Variants in SLC14A1 observed in about 807,000 individuals in gnomAD.
The protein encoded by SLC14A1 is solute carrier family 14 member 1 (Kidd blood group).
Under a neutral mutation model 39.6 loss-of-function variants are expected in SLC14A1, and 36 were observed. The observed-to-expected ratio is 0.91, with a 90% CI of 0.70 to 1.20. The LOEUF is 1.20. SLC14A1 is among the 50% of genes most tolerant of loss of function. SLC14A1 has a pLI of 0.00. For synonymous variants in SLC14A1, 164 were observed against 173.6 expected, an observed-to-expected ratio of 0.94 and a Z score of 0.43; for missense variants, 469 against 478.7, an observed-to-expected ratio of 0.98 and a Z score of 0.19.
intron 3 of SLC14A1, 47 bp downstream of exon 3, chr18:45,730,518 G>A: frequency 1.2e-6 from 2 of 1,602,164 alleles, no homozygotes; most frequent in South Asian, 2.2e-5. Context: ...GTAGCTTTGG[G>A]GGAAATGGTT....
intron 2 of SLC14A1, chr18:45,727,358 C>A (rs1287941484): frequency 1.9e-6 from 3 of 1,551,600 alleles, no homozygotes; most frequent in Non-Finnish European, 2.6e-6. Context: ...AAGCTGGTGA[C>A]GCAGCGCGCA....
chr18:45,740,544 GAAAA>G (rs1366187334), intron 8 of SLC14A1, among the ~76,000 whole-genome samples: 4 of 145,286 alleles, frequency 2.8e-5, no homozygotes, highest in African/African-American at 5.1e-5. Context: ...AAAGAGAAAA[GAAAA>G]AAAAAGAAAA....
Position 45,739,218 on chromosome 18 carries a change from G to A in SLC14A1, c.719G>A (p.Trp240Ter), listed in dbSNP as rs2047284407. 2 of 1,614,084 alleles carry A rather than the reference G, an allele frequency of 1.2e-6. No individual in the cohort carries two copies. Among genetic ancestry groups the A allele is most frequent in the East Asian group, 4.5e-5 (2 of 44,880 alleles). ...VGQIYGCDNP[W>*]TGGIFLGAIL... is the part of the protein sequence containing the mutation. ...CAGATCTATGGCTGTGATAATCCAT[G>A]GACAGGGGGCATTTTCCTGGGAGCC... The change falls in exon 7 of 10, where the codon TGG becomes TAG. Residue 240 changes from tryptophan (W) to a stop codon, truncating the protein, a stop_gained. Coordinates refer to ENST00000321925, the MANE Select transcript of SLC14A1 (RefSeq NM_015865.7). LOFTEE classifies it high-confidence loss of function.
intron 6 of SLC14A1, among the ~76,000 whole-genome samples, chr18:45,738,151 G>A (rs539255769): frequency 6.6e-6 from 1 of 152,348 alleles, no homozygotes; most frequent in South Asian, 2.1e-4. Flanking sequence ...CTTAGCCAAT[G>A]TTAGACTCAG....
chr18:45,732,034 A>G (rs141513192), intron 4 of SLC14A1, among the ~76,000 whole-genome samples: 109 of 152,348 alleles, frequency 7.2e-4, no homozygotes, highest in Non-Finnish European at 1.3e-3. Flanking sequence ...AGGGGATTTT[A>G]TAGCTTAGGT....
At chr18:45,739,415 G>A (rs2047291654) in intron 7 of SLC14A1, 105 bp downstream of exon 7, 2 of 1,605,358 alleles carry the variant, frequency 1.2e-6, no homozygotes, top group Non-Finnish European at 1.7e-6. Context: ...TGGCTTCCTA[G>A]GGACCAATGG....
intron 8 of SLC14A1, among the ~76,000 whole-genome samples, chr18:45,745,050 C>T (rs1418026072): frequency 6.6e-6 from 1 of 152,182 alleles, no homozygotes; most frequent in South Asian, 2.1e-4. Context: ...TGAGACCATC[C>T]TGGCTAACAC....
rs1392957345 is a variant in SLC14A1, at chr18:45,750,650, G to A, written c.*699G>A. ...TGCAACTTTTCTCAGAGATTGCAAA[G>A]GATTTTTTAGGTAGAGATTATTTTT... is the stretch of plus-strand genomic sequence containing the variant. On this transcript the variant is annotated 3_prime_UTR_variant, in exon 10 of 10. Coordinates refer to ENST00000321925, the MANE Select transcript of SLC14A1 (RefSeq NM_015865.7). 1 of 985,552 alleles carries A rather than the reference G, an allele frequency of 1.0e-6. No homozygotes were observed. Among genetic ancestry groups the A allele is most frequent in the Non-Finnish European group, 1.2e-6 (1 of 830,178 alleles). The allele number at this position is 985,552 out of a possible 1,614,324, so 61.1% of individuals were successfully genotyped here.
intron 8 of SLC14A1, among the ~76,000 whole-genome samples, chr18:45,743,093 C>G (rs996220732): frequency 7.2e-5 from 11 of 152,222 alleles, no homozygotes; most frequent in Admixed American, 1.3e-4. Context: ...AGAAGCAGCA[C>G]AGATTTATTG....
At position 45,752,290 on chromosome 18, in the gene SLC14A1, C is replaced by T. The variant is rs3087560; in HGVS notation, c.*2339C>T. 0.53 allele frequency: 512,134 copies of T among 961,792 alleles called. 138,742 individuals carry two copies. Among genetic ancestry groups the T allele is most frequent in the Non-Finnish European group, 0.55 (448,676 of 808,612 alleles). 59.6% of individuals were successfully genotyped at this position (961,792 alleles called of 1,614,324 possible). ...GAACCAGAGGCCTCTAAAATGGACC[C>T]GAGTCGATCTTCAGAACAGGGATCT... On this transcript the variant is annotated 3_prime_UTR_variant, in exon 10 of 10. Coordinates refer to ENST00000321925, the MANE Select transcript of SLC14A1 (RefSeq NM_015865.7).
At position 45,749,934 on chromosome 18, in the gene SLC14A1, G is replaced by A. The variant is rs2047665643; in HGVS notation, c.1153G>A (p.Val385Met). Residue 385 changes from valine (V) to methionine (M), a missense_variant, in exon 10 of 10, where the codon GTG (valine) becomes ATG (methionine). Transcript: ENST00000321925. ...IFYLQAKKRM[V>M]ESPL Reference sequence around the variant, plus strand: ...CTACCTGCAAGCCAAGAAAAGAATGGTGGAAAGCCCTTTGTGAGAACAAGC... The same window carrying A: ...CTACCTGCAAGCCAAGAAAAGAATGATGGAAAGCCCTTTGTGAGAACAAGC... 1 of 1,614,178 alleles carries A rather than the reference G, an allele frequency of 6.2e-7. No individual in the cohort carries two copies. The highest frequency in any genetic ancestry group is 8.5e-7 in the Non-Finnish European group (1 of 1,180,032).
At chr18:45,728,568 T>C (rs1262359356) in intron 2 of SLC14A1, among the ~76,000 whole-genome samples, 1 of 152,192 alleles carries the variant, frequency 6.6e-6, no homozygotes, top group African/African-American at 2.4e-5. Context: ...AGCAATATGT[T>C]CAGCTATGAA....
chr18:45,740,143 A>C (rs2047323465), intron 8 of SLC14A1, among the ~76,000 whole-genome samples: 1 of 152,218 alleles, frequency 6.6e-6, no homozygotes. Context: ...GGGGATGGCA[A>C]GGACCTCAGC....
rs2047701661 is a variant in SLC14A1, at chr18:45,751,358, CAAACAAAAACAAAAACA to C, written c.*1416_*1432del. ...TGTGTCTCTCAAAAAAAAAAAAAAA[CAAACAAAAACAAAAACA>C]AAACAAAACAAAACAAAACAAAACA... On this transcript the variant is annotated 3_prime_UTR_variant, in exon 10 of 10. Transcript: ENST00000321925. 1.8e-6 allele frequency: 1 copy of C among 546,372 alleles called. No individual in the cohort carries two copies. The highest frequency in any genetic ancestry group is 1.5e-4 in the Admixed American group (1 of 6,502). The allele number at this position is 546,372 out of a possible 1,614,324, so 33.8% of individuals were successfully genotyped here. A position where few individuals can be genotyped will look rare whatever the true frequency, so the allele number is the denominator to read the frequency against.
intron 2 of SLC14A1, among the ~76,000 whole-genome samples, chr18:45,725,738 G>T (rs2046847419): frequency 6.6e-6 from 1 of 152,192 alleles, no homozygotes; most frequent in Non-Finnish European, 1.5e-5. Flanking sequence ...GACCCAGTCT[G>T]CCTGCCACGT....
chr18:45,735,364 C>T (rs1207993766), intron 5 of SLC14A1, among the ~76,000 whole-genome samples: 2 of 152,190 alleles, frequency 1.3e-5, no homozygotes, highest in African/African-American at 4.8e-5. Flanking sequence ...TAACGCATTC[C>T]CACATGATGC....
At position 45,731,077 on chromosome 18, in the gene SLC14A1, G is replaced by C. The variant is rs147563846; in HGVS notation, c.214G>C (p.Val72Leu). The C allele has an allele frequency of 1.2e-6, 2 of 1,614,058 alleles. No homozygotes were observed. The highest frequency in any genetic ancestry group is 1.7e-6 in the Non-Finnish European group (2 of 1,179,988). The change falls in exon 4 of 10, where the codon GTC becomes CTC. Residue 72 changes from valine (V) to leucine (L), a missense_variant. Physicochemically the swap from Val to Leu is conservative, Grantham distance 32 (BLOSUM62 1). Transcript: ENST00000321925. ...CCGGGGCATATCCCAAGTGGTGTTC[G>C]TCAACAACCCCGTCAGTGGAATCCT... ...ILRGISQVVF[V>L]NNPVSGILIL...
At chr18:45,724,753 C>T (rs1243607557) in intron 1 of SLC14A1, 197 bp from the exon 2 acceptor site, 1 of 152,172 alleles carries the variant, frequency 6.6e-6, no homozygotes, top group Non-Finnish European at 1.5e-5. Context: ...TGCTGTCATG[C>T]TGAAGGGAAT....
chr18:45,733,848 A>G (rs1363554166), intron 4 of SLC14A1, among the ~76,000 whole-genome samples: 1 of 152,216 alleles, frequency 6.6e-6, no homozygotes, highest in Non-Finnish European at 1.5e-5. Flanking sequence ...GCCTCCTGTC[A>G]GATCAGCAGA....
Sources: allele counts gnomAD v4.1 joint callset (sites outside exome capture counted in the v4.1 genomes callset), GRCh38; gene constraint gnomAD v4.1.1; transcripts MANE v1.5; gene names NCBI Gene and HGNC (gene_info 2026-07-23, HGNC 2026-07-21).